The following IGLL1 variants were observed in gnomAD, a reference collection of about 807,000 sequenced individuals.
The protein encoded by IGLL1 is immunoglobulin lambda-like polypeptide 1.
In IGLL1, 10 loss-of-function variants were observed where a neutral mutation model predicts 10.5. The observed-to-expected ratio is 0.95, with a 90% confidence interval of 0.59 to 1.62. The LOEUF (loss-of-function observed/expected upper bound fraction) is 1.62, where lower values mean the gene tolerates loss of function less well. Ranked by LOEUF, IGLL1 falls within the 40% of genes most tolerant of loss-of-function variation. IGLL1 has a pLI of 0.00. For synonymous variants in IGLL1, 141 were observed against 122.7 expected (o/e 1.15, Z -0.99); for missense variants, 284 against 278.7 (o/e 1.02, Z -0.14).
intron 1 of IGLL1, among the ~76,000 whole-genome samples, chr22:23,575,897 C>A (rs556773542): frequency 6.0e-5 from 9 of 150,090 alleles, no homozygotes; most frequent in Non-Finnish European, 8.9e-5. Flanking sequence ...CTTTCCTCTT[C>A]CCCTGGCATC....
intron 1 of IGLL1, among the ~76,000 whole-genome samples, chr22:23,578,521 G>C (rs970726908): frequency 2.6e-5 from 4 of 152,202 alleles, no homozygotes; most frequent in Admixed American, 1.3e-4. Flanking sequence ...CCACCATGCT[G>C]ACCCCGCCTC....
At chr22:23,577,178 G>A (rs1314070420) in intron 1 of IGLL1, among the ~76,000 whole-genome samples, 3 of 152,154 alleles carry the variant, frequency 2.0e-5, no homozygotes, top group Admixed American at 6.5e-5. Context: ...TTAGGAGGCC[G>A]AGGCGGGTGG....
Position 23,579,936 on chromosome 22 carries a change from G to A in IGLL1, c.206+49C>T, listed in dbSNP as rs371667726. The A allele has an allele frequency of 1.5e-5, 22 of 1,490,450 alleles. No individual in the cohort carries two copies. The Admixed American group carries it at 1.8e-4, about 12-fold the overall frequency. The allele number at this position is 1,490,450 out of a possible 1,614,324, so 92.3% of individuals were successfully genotyped here. On this transcript the variant is annotated intron_variant, in intron 1 of 2. Transcript: ENST00000330377. Reference sequence around the variant, plus strand: ...CGTCTCCCCTTGGTCATCCTTTCCCGCCTCTGCCACCCAGACCCCCACATC... The same window carrying A: ...CGTCTCCCCTTGGTCATCCTTTCCCACCTCTGCCACCCAGACCCCCACATC...
At chr22:23,574,424 G>A (rs1265231094) in intron 2 of IGLL1, among the ~76,000 whole-genome samples, 2 of 151,656 alleles carry the variant, frequency 1.3e-5, no homozygotes, top group African/African-American at 4.8e-5. Context: ...GCTGGGCTCT[G>A]GGACCTCATC....
At position 23,579,996 on chromosome 22, in the gene IGLL1, G is replaced by A; in HGVS notation, c.195C>T (p.Ser65=). The change falls in exon 1 of 3, where the codon AGC becomes AGT. Residue 65 remains serine, a synonymous_variant. Coordinates refer to ENST00000330377, the MANE Select transcript of IGLL1 (RefSeq NM_020070.4). ...CTCTCACCCCTTACCTGCCCCACCG[G>A]CTCCTCAGGCTGGACCGGCTGCTTC... ...PGGSSRSSLR[S]RWGRFLLQRG... is the part of the protein sequence containing the mutation. 1 of 1,581,816 alleles carries A rather than the reference G, an allele frequency of 6.3e-7. No homozygotes were observed. The highest frequency in any genetic ancestry group is 8.6e-7 in the Non-Finnish European group (1 of 1,168,630).
chr22:23,573,358 C>T lies in IGLL1; in HGVS notation c.550G>A (p.Glu184Lys), dbSNP rs199906829. ...TAGCTTCTGCGGGACCTCCACTGCT[C>T]GGGCGTCAGGCTCAGGTAGCTGCTG... is the stretch of plus-strand genomic sequence containing the variant. ...AASSYLSLTP[E>K]QWRSRRSYSC... Residue 184 changes from glutamate (E) to lysine (K), a missense_variant, in exon 3 of 3, where the codon GAG (glutamate) becomes AAG (lysine). By Grantham distance (56) the Glu-to-Lys change is moderately conservative. Coordinates refer to ENST00000330377, the MANE Select transcript of IGLL1 (RefSeq NM_020070.4). 183 of 1,613,988 alleles carry T rather than the reference C, an allele frequency of 1.1e-4. 2 individuals carry two copies. In the South Asian group the frequency reaches 1.3e-3, roughly 12 times the overall value.
In IGLL1 at chr22:23,580,143, T is replaced by C; in HGVS notation, c.48A>G (p.Pro16=). 6.4e-7 allele frequency: 1 copy of C among 1,556,462 alleles called. No individual in the cohort carries two copies. The highest frequency in any genetic ancestry group is 2.4e-5 in the East Asian group (1 of 42,426). Residue 16 remains proline, a synonymous_variant, in exon 1 of 3, where the codon CCA becomes CCG. Coordinates refer to ENST00000330377, the MANE Select transcript of IGLL1 (RefSeq NM_020070.4). The part of the protein sequence containing the change: ...GQGGLEAPGE[P]GPNLRQRWPL... ...GCCAGCGCTGCCTGAGGTTGGGGCC[T>C]GGCTCACCAGGGGCCTCAAGGCCCC...
intron 1 of IGLL1, among the ~76,000 whole-genome samples, chr22:23,577,815 G>A (rs1925135887): frequency 1.3e-5 from 2 of 151,970 alleles, no homozygotes; most frequent in Admixed American, 1.3e-4. Flanking sequence ...TTACAGGCAT[G>A]AGCCACTGCA....
At position 23,573,197 on chromosome 22, in the gene IGLL1, G is replaced by A. The variant is rs1036511208; in HGVS notation, c.*69C>T. On this transcript the variant is annotated 3_prime_UTR_variant, in exon 3 of 3. Coordinates refer to ENST00000330377, the MANE Select transcript of IGLL1 (RefSeq NM_020070.4). Reference sequence around the variant, plus strand: ...GGAGAAGGGCTGGATGGCTTGGGATGCAGAGAGAGACCCTTCCCCTGGGAT... The same window carrying A: ...GGAGAAGGGCTGGATGGCTTGGGATACAGAGAGAGACCCTTCCCCTGGGAT... 44 of 1,460,502 alleles carry A rather than the reference G, an allele frequency of 3.0e-5. No individual in the cohort carries two copies. The Admixed American group carries it at 3.5e-4, about 12-fold the overall frequency. The allele number at this position is 1,460,502 out of a possible 1,614,324, so 90.5% of individuals were successfully genotyped here. A position where few individuals can be genotyped will look rare whatever the true frequency, so the allele number is the denominator to read the frequency against.
intron 1 of IGLL1, among the ~76,000 whole-genome samples, chr22:23,578,897 T>G (rs1602292942): frequency 6.7e-6 from 1 of 149,040 alleles, no homozygotes; most frequent in East Asian, 2.0e-4. Context: ...GAGACGGAGG[T>G]TTCAATGAGC....
intron 1 of IGLL1, among the ~76,000 whole-genome samples, chr22:23,578,345 A>G (rs918409475): frequency 4.6e-5 from 7 of 152,066 alleles, no homozygotes; most frequent in African/African-American, 1.7e-4. Flanking sequence ...TTCTGTAGGC[A>G]TCACCCTGCA....
At position 23,580,242 on chromosome 22, in the gene IGLL1, T is replaced by C. The variant is rs542408640; in HGVS notation, c.-52A>G. ...GGCCTGACTTGCAGTGTGGGCTCCC[T>C]AGAGAGTGGTGCCCTGGTCCCTCTC... On this transcript the variant is annotated 5_prime_UTR_variant, in exon 1 of 3. Transcript: ENST00000330377. 8 of 1,533,942 alleles carry C rather than the reference T, an allele frequency of 5.2e-6. No individual in the cohort carries two copies. The South Asian group carries it at 9.5e-5, about 18-fold the overall frequency.
chr22:23,576,260 A>T (rs8136126), intron 1 of IGLL1, among the ~76,000 whole-genome samples: 24,164 of 149,476 alleles, frequency 0.16, 2,486 homozygotes, highest in South Asian at 0.29. Flanking sequence ...GGCTTCTGCG[A>T]ACTTAGCTAC....
chr22:23,575,195 C>T, intron 1 of IGLL1, 113 bp from the exon 2 acceptor site: 3 of 809,792 alleles, frequency 3.7e-6, no homozygotes, highest in Non-Finnish European at 6.7e-6. Flanking sequence ...TGTGCCTGTC[C>T]CTTCTCTGAG....
rs753138972 is a variant in IGLL1 at position 23,580,056 on chromosome 22, C to T, written c.135G>A (p.Ser45=). ...THGLLRPTAA[S]QSRALGPGAP... ...CTCCAGGGCCCAGGGCCCTGCTCTG[C>T]GATGCAGCTGTTGGGCGCAGCAGGC... The change falls in exon 1 of 3, where the codon TCG becomes TCA. Residue 45 remains serine, a synonymous_variant. Transcript: ENST00000330377. 1.1e-5 allele frequency: 17 copies of T among 1,575,126 alleles called. No individual in the cohort carries two copies. Among genetic ancestry groups the T allele is most frequent in the African/African-American group, 9.4e-5 (7 of 74,302 alleles).
chr22:23,578,723 G>C (rs1458517935), intron 1 of IGLL1, among the ~76,000 whole-genome samples: 1 of 152,210 alleles, frequency 6.6e-6, no homozygotes, highest in East Asian at 1.9e-4. Context: ...GGGAGGCTGA[G>C]GTGGGTGGAT....
intron 2 of IGLL1, among the ~76,000 whole-genome samples, chr22:23,574,405 C>A (rs774349116): frequency 6.6e-6 from 1 of 152,190 alleles, no homozygotes. Flanking sequence ...TGGTGACTGT[C>A]CTGGGAGGGC....
In IGLL1 at chr22:23,579,971, C is replaced by T; in HGVS notation, c.206+14G>A. On this transcript the variant is annotated intron_variant, in intron 1 of 2. Coordinates refer to ENST00000330377, the MANE Select transcript of IGLL1 (RefSeq NM_020070.4). The stretch of plus-strand genomic sequence containing the variant: ...CCCAGACCCCCACATCCCCTGGAAT[C>T]TCTCACCCCTTACCTGCCCCACCGG... 3 of 1,567,104 alleles carry T rather than the reference C, an allele frequency of 1.9e-6. No homozygotes were observed. Among genetic ancestry groups the T allele is most frequent in the Non-Finnish European group, 2.6e-6 (3 of 1,162,094 alleles).
Position 23,580,232 on chromosome 22 carries a change from G to A in IGLL1, c.-42C>T, listed in dbSNP as rs1925276699. 4 of 1,534,662 alleles carry A rather than the reference G, an allele frequency of 2.6e-6. No homozygotes were observed. Among genetic ancestry groups the A allele is most frequent in the Non-Finnish European group, 3.5e-6 (4 of 1,146,498 alleles). On this transcript the variant is annotated 5_prime_UTR_variant, in exon 1 of 3. Coordinates refer to ENST00000330377, the MANE Select transcript of IGLL1 (RefSeq NM_020070.4). ...AGGTCCTTGTGGCCTGACTTGCAGT[G>A]TGGGCTCCCTAGAGAGTGGTGCCCT...
Sources: gnomAD v4.1 joint callset for allele counts (sites outside exome capture counted in the v4.1 genomes callset) on GRCh38, gnomAD v4.1.1 for gene constraint, MANE v1.5 for transcripts, NCBI Gene and HGNC (gene_info 2026-07-23, HGNC 2026-07-21) for gene names.